Variants in ANAPC10 observed in about 807,000 individuals in gnomAD.
ANAPC10 encodes the protein anaphase promoting complex subunit 10, also known as anaphase-promoting complex subunit 10.
A neutral mutation model predicts 22.0 loss-of-function variants in ANAPC10; 12 were observed. The observed-to-expected ratio is 0.55, with a 90% CI of 0.35 to 0.88. The LOEUF is 0.88. Ranked by LOEUF, ANAPC10 falls within the 40% of genes least tolerant of loss-of-function variation. ANAPC10 has a pLI of 0.01. For synonymous variants in ANAPC10, 65 were observed against 69.5 expected (o/e 0.94, Z 0.32); for missense variants, 188 against 220.9 (o/e 0.85, Z 0.94).
chr4:145,076,786 A>G (rs1745261877), intron 3 of ANAPC10, among the ~76,000 whole-genome samples: 1 of 152,246 alleles, frequency 6.6e-6, no homozygotes, highest in Admixed American at 6.5e-5. Flanking sequence ...TAGAGCTGAA[A>G]AACTCACTAC....
intron 2 of ANAPC10, among the ~76,000 whole-genome samples, chr4:145,088,731 T>C (rs962640601): frequency 6.6e-6 from 1 of 152,222 alleles, no homozygotes; most frequent in Non-Finnish European, 1.5e-5. Context: ...GACACAGTCA[T>C]CTTTTAAAAA....
intron 2 of ANAPC10, among the ~76,000 whole-genome samples, chr4:145,086,646 T>G (rs1207232273): frequency 6.6e-6 from 1 of 152,116 alleles, no homozygotes; most frequent in African/African-American, 2.4e-5. Context: ...TACTGATATT[T>G]TGGACTGAAT....
At chr4:145,031,736 T>C (rs1737615734) in intron 4 of ANAPC10, among the ~76,000 whole-genome samples, 1 of 152,190 alleles carries the variant, frequency 6.6e-6, no homozygotes, top group Non-Finnish European at 1.5e-5. Flanking sequence ...GCCCCCATAG[T>C]GAATCACAGT....
At chr4:145,023,135 C>G (rs1317376404) in intron 4 of ANAPC10, among the ~76,000 whole-genome samples, 1 of 151,868 alleles carries the variant, frequency 6.6e-6, no homozygotes, top group Non-Finnish European at 1.5e-5. Flanking sequence ...CCAATTGTAC[C>G]AATGACTGTC....
chr4:145,002,009 A>AG (rs1732645162), intron 4 of ANAPC10, among the ~76,000 whole-genome samples: 1 of 152,200 alleles, frequency 6.6e-6, no homozygotes, highest in Admixed American at 6.6e-5. Context: ...GGAAAATAAA[A>AG]GAAGGAAGGA....
chr4:145,017,810 C>A (rs912423716), intron 4 of ANAPC10, among the ~76,000 whole-genome samples: 2 of 151,950 alleles, frequency 1.3e-5, no homozygotes, highest in African/African-American at 4.8e-5. Flanking sequence ...GAGTTCATGT[C>A]CTTTGTAGGG....
chr4:145,018,266 A>G (rs1046662501), intron 4 of ANAPC10, among the ~76,000 whole-genome samples: 1 of 152,074 alleles, frequency 6.6e-6, no homozygotes, highest in Non-Finnish European at 1.5e-5. Flanking sequence ...GGTACCTCAC[A>G]TCTCAATACT....
intron 4 of ANAPC10, among the ~76,000 whole-genome samples, chr4:145,026,721 CAAAA>C (rs1477672395): frequency 7.2e-6 from 1 of 137,980 alleles, no homozygotes; most frequent in East Asian, 2.2e-4. Flanking sequence ...CAAACAAAGA[CAAAA>C]AAAGGAACTC....
At chr4:145,040,607 A>G (rs886854826) in intron 4 of ANAPC10, among the ~76,000 whole-genome samples, 1 of 152,234 alleles carries the variant, frequency 6.6e-6, no homozygotes, top group Non-Finnish European at 1.5e-5. Context: ...TTTATAGGTA[A>G]CTGAAGTTCA....
intron 4 of ANAPC10, among the ~76,000 whole-genome samples, chr4:145,020,281 TCCAC>T (rs1735783529): frequency 6.6e-6 from 1 of 152,012 alleles, no homozygotes; most frequent in African/African-American, 2.4e-5. Flanking sequence ...TGGTTTAACA[TCCAC>T]AAGTCAATAA....
intron 1 of ANAPC10, chr4:145,097,134 G>A (rs764688473): frequency 5.7e-5 from 12 of 210,824 alleles, no homozygotes; most frequent in Admixed American, 1.1e-4. Flanking sequence ...ACTGGGAGGC[G>A]GAGGTTGCAG....
intron 4 of ANAPC10, among the ~76,000 whole-genome samples, chr4:145,040,783 A>G (rs1739392203): frequency 6.6e-6 from 1 of 152,242 alleles, no homozygotes. Context: ...TAAGATAAGT[A>G]CAAGTGAATA....
At chr4:145,069,547 G>A (rs1281534671) in intron 3 of ANAPC10, among the ~76,000 whole-genome samples, 1 of 152,246 alleles carries the variant, frequency 6.6e-6, no homozygotes, top group South Asian at 2.1e-4. Flanking sequence ...TAACCGAAGT[G>A]GTAAGTCCTC....
At chr4:145,052,145 T>A (rs1250320265) in intron 4 of ANAPC10, among the ~76,000 whole-genome samples, 1 of 152,082 alleles carries the variant, frequency 6.6e-6, no homozygotes. Context: ...TCGAAGGACA[T>A]AAAATTTCGG....
In ANAPC10 at chr4:145,088,278, C is replaced by T. The variant is rs564903677; in HGVS notation, c.116-6528G>A. Among the ~76,000 whole-genome samples, 41 of 152,226 alleles carry T rather than the reference C, an allele frequency of 2.7e-4. 2 individuals carry two copies. The South Asian group carries it at 8.5e-3, about 32-fold the overall frequency. On this transcript the variant is annotated intron_variant, in intron 2 of 4. Coordinates refer to ENST00000507656, the MANE Select transcript of ANAPC10 (RefSeq NM_001256706.2). ...AATTCTCTCCCTAGATGAGTTAGTC[C>T]AGTTCCCTTAGAATATCATTGGCAC...
chr4:145,023,313 G>C (rs986648306), intron 4 of ANAPC10, among the ~76,000 whole-genome samples: 1 of 152,054 alleles, frequency 6.6e-6, no homozygotes, highest in Admixed American at 6.6e-5. Context: ...GGAAGTATAA[G>C]GATTTTTGTT....
chr4:145,093,659 G>A (rs1748054679), intron 2 of ANAPC10, among the ~76,000 whole-genome samples: 2 of 151,282 alleles, frequency 1.3e-5, no homozygotes, highest in Non-Finnish European at 2.9e-5. Flanking sequence ...TCAAATGGAA[G>A]AGCTACAAAT....
chr4:145,003,505 A>G (rs1332275792), intron 4 of ANAPC10, among the ~76,000 whole-genome samples: 1 of 152,132 alleles, frequency 6.6e-6, no homozygotes, highest in Non-Finnish European at 1.5e-5. Flanking sequence ...CAGCAGTATT[A>G]CCGATTTTTG....
intron 4 of ANAPC10, among the ~76,000 whole-genome samples, chr4:145,049,002 A>C (rs1740713357): frequency 6.6e-6 from 1 of 152,248 alleles, no homozygotes; most frequent in South Asian, 2.1e-4. Flanking sequence ...GTATCACAAT[A>C]AAGTGAGTCA....
Sources: gnomAD v4.1 joint callset for allele counts (sites outside exome capture counted in the v4.1 genomes callset) on GRCh38, gnomAD v4.1.1 for gene constraint, MANE v1.5 for transcripts, NCBI Gene and HGNC (gene_info 2026-07-23, HGNC 2026-07-21) for gene names.